The following NME7 variants were observed in gnomAD, a reference collection of about 807,000 sequenced individuals.
NME7 encodes NME/NM23 family member 7, also known as nucleoside diphosphate kinase 7.
In NME7, 41 loss-of-function variants were observed where a neutral mutation model predicts 49.1. The ratio of observed to expected loss-of-function variants is 0.83; its 90% CI spans 0.65 to 1.08. The LOEUF (loss-of-function observed/expected upper bound fraction) is 1.08, where lower values mean the gene tolerates loss of function less well. NME7 is among the 50% of genes least tolerant of loss of function. The pLI is 0.00. For synonymous variants in NME7, 139 were observed against 150.6 expected (o/e 0.92, Z 0.56); for missense variants, 423 against 463.4 (o/e 0.91, Z 0.80).
Position 169,295,935 on chromosome 1 carries a change from T to C in NME7, c.648+2621A>G, listed in dbSNP as rs80208641. Among the ~76,000 whole-genome samples the C allele has an allele frequency of 4.3e-3, 661 of 152,282 alleles. 5 individuals carry two copies. Among genetic ancestry groups the C allele is most frequent in the African/African-American group, 0.015 (620 of 41,564 alleles). ...TATTCTCCCTTCCCATCTGTTGCTATAGACGAGTACCTGAGAGGCACACCT... is the reference window on the plus strand; with the variant it reads ...TATTCTCCCTTCCCATCTGTTGCTACAGACGAGTACCTGAGAGGCACACCT... On this transcript the variant is annotated intron_variant, in intron 6 of 11. Transcript: ENST00000367811.
chr1:169,189,889 G>T (rs530722887), intron 10 of NME7, among the ~76,000 whole-genome samples: 12 of 152,204 alleles, frequency 7.9e-5, no homozygotes, highest in African/African-American at 2.9e-4. Context: ...TACTGTTTAT[G>T]AACTCCTCAG....
intron 5 of NME7, 149 bp from the exon 6 acceptor site, chr1:169,298,912 G>T: frequency 1.4e-6 from 1 of 727,858 alleles, no homozygotes; most frequent in Non-Finnish European, 2.2e-6. Context: ...TTTTACATGG[G>T]CAGGAGAAAT....
chr1:169,299,077 A>C (rs1650827887), intron 5 of NME7, among the ~76,000 whole-genome samples: 1 of 152,178 alleles, frequency 6.6e-6, no homozygotes, highest in African/African-American at 2.4e-5. Context: ...CCAGTGCTCT[A>C]ACAGGTACAG....
At chr1:169,305,241 A>G (rs764945658) in intron 4 of NME7, among the ~76,000 whole-genome samples, 7 of 152,224 alleles carry the variant, frequency 4.6e-5, no homozygotes, top group Non-Finnish European at 8.8e-5. Flanking sequence ...ATCACTATCT[A>G]GAGAAGTTTT....
intron 1 of NME7, among the ~76,000 whole-genome samples, chr1:169,327,162 T>C (rs1451681410): frequency 2.0e-5 from 3 of 152,188 alleles, no homozygotes; most frequent in South Asian, 2.1e-4. Flanking sequence ...AACACTTTAG[T>C]AGCACATAGA....
At chr1:169,298,455 C>G (rs1650797627) in intron 6 of NME7, 101 bp downstream of exon 6, 2 of 1,191,366 alleles carry the variant, frequency 1.7e-6, no homozygotes, top group Non-Finnish European at 2.4e-6. Context: ...AGAGCAGCAG[C>G]ATAAATCCAC....
At chr1:169,361,224 GAA>G (rs536392612) in intron 1 of NME7, among the ~76,000 whole-genome samples, 1 of 152,062 alleles carries the variant, frequency 6.6e-6, no homozygotes, top group Non-Finnish European at 1.5e-5. Flanking sequence ...AAAGCTACAT[GAA>G]AAAAATTATG....
In NME7 at chr1:169,328,121, G is replaced by C. The variant is rs562402266; in HGVS notation, c.4-3621C>G. ...GTGCTACTGCTGCTATCATTTGCTG[G>C]CAGCCTACAGCAAGAGACATGGCCC... On this transcript the variant is annotated intron_variant, in intron 1 of 11. Coordinates refer to ENST00000367811, the MANE Select transcript of NME7 (RefSeq NM_013330.5). Among the ~76,000 whole-genome samples, 12 of 152,196 alleles carry C rather than the reference G, an allele frequency of 7.9e-5. No individual in the cohort carries two copies. The East Asian group carries it at 2.3e-3, about 29-fold the overall frequency.
At chr1:169,237,479 C>T (rs901917093) in intron 8 of NME7, 144 bp downstream of exon 8, 3 of 497,720 alleles carry the variant, frequency 6.0e-6, no homozygotes, top group Admixed American at 7.6e-5. Context: ...TTTTTGACTA[C>T]AGGAAGGTTA....
intron 10 of NME7, among the ~76,000 whole-genome samples, chr1:169,218,841 A>G (rs1277876288): frequency 6.6e-6 from 1 of 152,090 alleles, no homozygotes; most frequent in African/African-American, 2.4e-5. Context: ...AAAAAACACA[A>G]AAATAAGAGA....
intron 10 of NME7, among the ~76,000 whole-genome samples, chr1:169,180,730 AATTT>A (rs1262293122): frequency 6.6e-6 from 1 of 152,242 alleles, no homozygotes; most frequent in Non-Finnish European, 1.5e-5. Context: ...TTAACAAAAT[AATTT>A]ATTTAACCCT....
At chr1:169,311,008 AT>A (rs1029001566) in intron 3 of NME7, among the ~76,000 whole-genome samples, 1 of 152,188 alleles carries the variant, frequency 6.6e-6, no homozygotes. Context: ...TTCCCTCTGC[AT>A]TTCCAGTTGT....
intron 10 of NME7, among the ~76,000 whole-genome samples, chr1:169,198,036 T>C (rs904281059): frequency 3.3e-5 from 5 of 151,894 alleles, no homozygotes; most frequent in African/African-American, 1.2e-4. Flanking sequence ...AATTTAAAAA[T>C]AGGCAAAGAA....
At chr1:169,342,678 T>C (rs1571405229) in intron 1 of NME7, among the ~76,000 whole-genome samples, 1 of 51,332 alleles carries the variant, frequency 1.9e-5, no homozygotes, top group African/African-American at 8.8e-5. Context: ...TATATATATA[T>C]ACAAGTACAT....
chr1:169,285,179 T>C (rs1255287490), intron 7 of NME7: 5 of 152,166 alleles, frequency 3.3e-5, no homozygotes, highest in African/African-American at 4.8e-5. Flanking sequence ...TGTAGATACG[T>C]ATTTGTGGAG....
At chr1:169,257,421 G>T (rs1239105550) in intron 7 of NME7, among the ~76,000 whole-genome samples, 1 of 134,040 alleles carries the variant, frequency 7.5e-6, no homozygotes, top group Admixed American at 7.3e-5. Context: ...CCCTGCTTCG[G>T]CTTGCGAACG....
chr1:169,310,004 T>G lies in NME7; in HGVS notation c.355A>C (p.Thr119Pro). Residue 119 changes from threonine to proline, a missense_variant, in exon 4 of 12, where the codon ACT (threonine) becomes CCT (proline). Thr to Pro is a conservative substitution (Grantham distance 38). Transcript: ENST00000367811. ...ATCATCATTTTGAGTTTGGTTATAGTAAATCCAGCTTTGTTTATTATTTCA... is the reference window on the plus strand; with the variant it reads ...ATCATCATTTTGAGTTTGGTTATAGGAAATCCAGCTTTGTTTATTATTTCA... ...IIEIINKAGF[T>P]ITKLKMMMLS... 6.2e-7 allele frequency: 1 copy of G among 1,605,256 alleles called. No individual in the cohort carries two copies. Among genetic ancestry groups the G allele is most frequent in the Non-Finnish European group, 8.5e-7 (1 of 1,175,276 alleles).
intron 7 of NME7, among the ~76,000 whole-genome samples, chr1:169,246,513 A>G (rs1648322797): frequency 6.6e-6 from 1 of 152,162 alleles, no homozygotes; most frequent in South Asian, 2.1e-4. Flanking sequence ...ACATACCCAA[A>G]TCTGAAATTC....
rs71121729 is a variant in NME7 at position 169,156,154 on chromosome 1, C to CAAAAAAAAAAAAAAA, written c.1098+13292_1098+13293insTTTTTTTTTTTTTTT. On this transcript the variant is annotated intron_variant, in intron 11 of 11. Transcript: ENST00000367811. ...GCAACACAGGGGGACCCTGTCTCTA[C>CAAAAAAAAAAAAAAA]AAAAAAAAATTAGTGGGGCATGACG... is the stretch of plus-strand genomic sequence containing the variant. Among the ~76,000 whole-genome samples, 36 of 135,888 alleles carry CAAAAAAAAAAAAAAA rather than the reference C, an allele frequency of 2.6e-4. 3 individuals are homozygous for CAAAAAAAAAAAAAAA. The highest frequency in any genetic ancestry group is 1.3e-3 in the East Asian group (5 of 3,978). 89.1% of individuals were successfully genotyped at this position (135,888 alleles called of 152,430 possible). A position where few individuals can be genotyped will look rare whatever the true frequency, so the allele number is the denominator to read the frequency against.
Sources: allele counts gnomAD v4.1 joint callset (sites outside exome capture counted in the v4.1 genomes callset), GRCh38; gene constraint gnomAD v4.1.1; transcripts MANE v1.5; gene names NCBI Gene and HGNC (gene_info 2026-07-23, HGNC 2026-07-21).